Variants in HDAC4 observed in about 807,000 individuals in gnomAD.
HDAC4 encodes histone deacetylase A.
In HDAC4, 16 loss-of-function variants were observed where a neutral mutation model predicts 135.1. The ratio of observed to expected loss-of-function variants is 0.12; its 90% confidence interval spans 0.08 to 0.18. The LOEUF is 0.18. Among genes scored for constraint, HDAC4 ranks in the 10% least tolerant of loss-of-function variants. HDAC4 has a pLI of 1.00. For synonymous variants in HDAC4, 685 were observed against 653.4 expected, an observed-to-expected ratio of 1.05 and a Z score of -0.74; for missense variants, 1,143 against 1,511.8, an observed-to-expected ratio of 0.76 and a Z score of 4.05.
At chr2:239,338,277 G>C (rs1692078802) in intron 2 of HDAC4, among the ~76,000 whole-genome samples, 1 of 152,164 alleles carries the variant, frequency 6.6e-6, no homozygotes, top group South Asian at 2.1e-4. Context: ...GGCCCATGCA[G>C]CTTCCTATCC....
Position 239,141,084 on chromosome 2 carries a change from A to G in HDAC4, c.866-1288T>C. The G allele has an allele frequency of 3.6e-6, 1 of 277,636 alleles. No homozygotes were observed. Among genetic ancestry groups the G allele is most frequent in the Non-Finnish European group, 7.9e-6 (1 of 126,452 alleles). 17.2% of individuals were successfully genotyped at this position (277,636 alleles called of 1,614,324 possible). ...CCATTATGACCCCGTTTCCCAGAAG[A>G]GGAGATGGAGGCATGGAGCAGCAAC... On this transcript the variant is annotated intron_variant, in intron 8 of 26. Coordinates refer to ENST00000543185, the MANE Select transcript of HDAC4 (RefSeq NM_001378414.1). This position sits in a 1 kb window ranked among gnomAD's most constrained non-coding sequence, Gnocchi z 4.9.
At chr2:239,064,325 GC>G (rs1418984106) in intron 24 of HDAC4, among the ~76,000 whole-genome samples, 2 of 152,234 alleles carry the variant, frequency 1.3e-5, no homozygotes, top group Non-Finnish European at 2.9e-5. Flanking sequence ...GAAAGCCATG[GC>G]AGCAGCCCTG....
chr2:239,077,585 A>G (rs2034892906), intron 22 of HDAC4, among the ~76,000 whole-genome samples: 3 of 152,358 alleles, frequency 2.0e-5, no homozygotes, highest in African/African-American at 7.2e-5. Context: ...TCTCAGATAA[A>G]TTTCTACATA....
intron 1 of HDAC4, among the ~76,000 whole-genome samples, chr2:239,385,527 C>T (rs1233186632): frequency 6.6e-6 from 1 of 152,236 alleles, no homozygotes; most frequent in Non-Finnish European, 1.5e-5. Context: ...GCCCCTGTTC[C>T]CTCTGAAGTC....
intron 6 of HDAC4, among the ~76,000 whole-genome samples, chr2:239,159,057 A>G (rs948867139): frequency 1.4e-5 from 2 of 146,924 alleles, no homozygotes; most frequent in Non-Finnish European, 3.0e-5. Context: ...ACCCATACCT[A>G]TATCTGCATC....
At chr2:239,174,879 C>T (rs186914802) in intron 5 of HDAC4, among the ~76,000 whole-genome samples, 51 of 152,238 alleles carry the variant, frequency 3.4e-4, no homozygotes, top group African/African-American at 9.6e-4. Flanking sequence ...AGAAGCAAAA[C>T]GCAAAAATCC....
chr2:239,211,547 G>A (rs1404875035), intron 3 of HDAC4, among the ~76,000 whole-genome samples: 3 of 152,190 alleles, frequency 2.0e-5, no homozygotes, highest in Non-Finnish European at 4.4e-5. Context: ...TTGCCATTCC[G>A]TTAGTTTCTC....
At chr2:239,314,812 A>T (rs201185810) in intron 2 of HDAC4, among the ~76,000 whole-genome samples, 1 of 152,196 alleles carries the variant, frequency 6.6e-6, no homozygotes, top group East Asian at 1.9e-4. Flanking sequence ...AACCAAAAAT[A>T]AAATTCTAAG....
At chr2:239,119,545 G>C (rs902583203) in intron 12 of HDAC4, among the ~76,000 whole-genome samples, 1 of 144,844 alleles carries the variant, frequency 6.9e-6, no homozygotes, top group Non-Finnish European at 1.5e-5. Context: ...GTGGGGACCA[G>C]AGCTAAGGGC....
intron 2 of HDAC4, among the ~76,000 whole-genome samples, chr2:239,269,175 CCACATTCACACACCCACA>C (rs1403498262): frequency 6.6e-5 from 10 of 151,068 alleles, no homozygotes; most frequent in African/African-American, 1.2e-4. Flanking sequence ...ATTCACACAC[CCACATTCACACACCCACA>C]CACATTCACA....
intron 1 of HDAC4, among the ~76,000 whole-genome samples, chr2:239,399,978 T>C (rs1433578808): frequency 6.6e-6 from 1 of 152,252 alleles, no homozygotes; most frequent in Admixed American, 6.5e-5. Flanking sequence ...ATGAGTACAC[T>C]GGGTTCCACC....
At chr2:239,173,515 A>C (rs938355700) in intron 5 of HDAC4, among the ~76,000 whole-genome samples, 4 of 152,188 alleles carry the variant, frequency 2.6e-5, no homozygotes, top group Non-Finnish European at 4.4e-5. Context: ...TGATCTGATA[A>C]ATAGCACCTG....
chr2:239,059,291 T>C (rs780609723), intron 24 of HDAC4, among the ~76,000 whole-genome samples: 5 of 152,170 alleles, frequency 3.3e-5, no homozygotes, highest in Non-Finnish European at 5.9e-5. Context: ...ACAGTGGTCC[T>C]AAAGCAAGAA....
chr2:239,257,952 A>T (rs980756923), intron 2 of HDAC4, among the ~76,000 whole-genome samples: 2 of 152,184 alleles, frequency 1.3e-5, no homozygotes, highest in African/African-American at 4.8e-5. Context: ...CAATACCAGG[A>T]CCCATAAACA....
At chr2:239,193,040 C>G (rs78342382) in intron 3 of HDAC4, among the ~76,000 whole-genome samples, 3,311 of 152,310 alleles carry the variant, frequency 0.022, 65 homozygotes, top group Admixed American at 0.063. Context: ...AACAAATAAG[C>G]ACAGGGAATA....
Position 239,298,519 on chromosome 2 carries a change from G to C in HDAC4, c.22+54159C>G. Reference sequence around the variant, plus strand: ...GGTGAACGCTGTGCACTCTACAGGGGCCTCCTCATTTAGTCATCATAGCCA... The same window carrying C: ...GGTGAACGCTGTGCACTCTACAGGGCCCTCCTCATTTAGTCATCATAGCCA... On this transcript the variant is annotated intron_variant, in intron 2 of 26. Transcript: ENST00000543185. The C allele has an allele frequency of 2.9e-6, 3 of 1,044,718 alleles. No individual in the cohort carries two copies. In the South Asian group the frequency reaches 1.0e-4, roughly 36 times the overall value. The allele number at this position is 1,044,718 out of a possible 1,614,324, so 64.7% of individuals were successfully genotyped here.
At chr2:239,345,570 A>AAC (rs917995002) in intron 2 of HDAC4, among the ~76,000 whole-genome samples, 8 of 149,620 alleles carry the variant, frequency 5.3e-5, no homozygotes, top group South Asian at 2.1e-4. Context: ...ACACACACCC[A>AAC]ACACACACAC....
chr2:239,104,173 T>C (rs2037916717), intron 15 of HDAC4, among the ~76,000 whole-genome samples: 1 of 152,168 alleles, frequency 6.6e-6, no homozygotes, highest in South Asian at 2.1e-4. Context: ...ACGTACTCTC[T>C]GGGTAGGGGT....
At chr2:239,143,663 G>T (rs1032861599) in intron 8 of HDAC4, among the ~76,000 whole-genome samples, 3 of 152,214 alleles carry the variant, frequency 2.0e-5, no homozygotes, top group Non-Finnish European at 4.4e-5. Flanking sequence ...TGTATTTAGC[G>T]GGTAGGTCTG....
Sources: allele counts gnomAD v4.1 joint callset (sites outside exome capture counted in the v4.1 genomes callset), GRCh38; gene constraint gnomAD v4.1.1; non-coding constraint Gnocchi (gnomAD v3.1); transcripts MANE v1.5; gene names NCBI Gene and HGNC (gene_info 2026-07-23, HGNC 2026-07-21).